The following ZNF451 variants were observed in gnomAD, a reference collection of about 807,000 sequenced individuals.
ZNF451 encodes zinc finger protein 451, also known as E3 SUMO-protein ligase ZNF451.
Under a neutral mutation model 107.1 loss-of-function variants are expected in ZNF451, and 80 were observed. That is an observed-to-expected ratio of 0.75 (90% confidence interval 0.62 to 0.90). The LOEUF is 0.90. Among genes scored for constraint, ZNF451 ranks in the 40% least tolerant of loss-of-function variants. ZNF451 has a pLI of 0.00. For synonymous variants in ZNF451, 362 were observed against 406.5 expected, an observed-to-expected ratio of 0.89 and a Z score of 1.32; for missense variants, 1,107 against 1,236.2, an observed-to-expected ratio of 0.90 and a Z score of 1.57.
chr6:57,103,691 T>C (rs1452289910), intron 3 of ZNF451: 1 of 985,384 alleles, frequency 1.0e-6, no homozygotes, highest in Non-Finnish European at 1.2e-6. Flanking sequence ...CTGCGTTTTT[T>C]CATCTGCTTG....
chr6:57,109,236 T>C, intron 3 of ZNF451: 1 of 985,462 alleles, frequency 1.0e-6, no homozygotes, highest in Non-Finnish European at 1.2e-6. Flanking sequence ...ATTATGTTAA[T>C]CGTATTGCTT....
At chr6:57,125,484 A>G (rs1476606073) in intron 4 of ZNF451, among the ~76,000 whole-genome samples, 1 of 152,170 alleles carries the variant, frequency 6.6e-6, no homozygotes, top group Non-Finnish European at 1.5e-5. Flanking sequence ...AAAACTCCAT[A>G]CTAAAGTACA....
intron 7 of ZNF451, 117 bp from the exon 8 acceptor site, chr6:57,141,185 T>TA (rs1196498071): frequency 5.7e-5 from 46 of 806,016 alleles, no homozygotes; most frequent in Non-Finnish European, 7.5e-5. Context: ...TCTTTCATGT[T>TA]AAAAATTGAT....
At chr6:57,119,855 CTT>C (rs370426779) in intron 3 of ZNF451, among the ~76,000 whole-genome samples, 3 of 143,124 alleles carry the variant, frequency 2.1e-5, no homozygotes, top group Admixed American at 7.0e-5. Flanking sequence ...ATTGTCATTA[CTT>C]TTTTTTTTTT....
At chr6:57,100,928 C>G in intron 3 of ZNF451, 1 of 1,550,946 alleles carries the variant, frequency 6.4e-7, no homozygotes, top group Non-Finnish European at 8.7e-7. Flanking sequence ...CGTATAGATT[C>G]TTCTTCAGCT....
chr6:57,138,704 CATATATATATAT>C lies in ZNF451; in HGVS notation c.703-2571_703-2560del, dbSNP rs60629541. Among the ~76,000 whole-genome samples the C allele has an allele frequency of 3.3e-3, 143 of 43,746 alleles. 1 individual carries two copies. The highest frequency in any genetic ancestry group is 0.024 in the South Asian group (17 of 710). 28.7% of individuals were successfully genotyped at this position (43,746 alleles called of 152,430 possible). A position where few individuals can be genotyped will look rare whatever the true frequency, so the allele number is the denominator to read the frequency against. ...TTGTAGAATGTATTTGCAGCTATGC[CATATATATATAT>C]ATATATATATATATATATATATATA... On this transcript the variant is annotated intron_variant, in intron 7 of 14. Transcript: ENST00000370706.
chr6:57,133,966 G>A (rs188566881), intron 6 of ZNF451, among the ~76,000 whole-genome samples: 79 of 152,262 alleles, frequency 5.2e-4, no homozygotes, highest in African/African-American at 1.8e-3. Context: ...GTGAGCCACC[G>A]CGCTCGGCCA....
chr6:57,141,657 G>A (rs945810005), intron 8 of ZNF451, among the ~76,000 whole-genome samples: 1 of 152,126 alleles, frequency 6.6e-6, no homozygotes, highest in Non-Finnish European at 1.5e-5. Context: ...TAACTTTGAA[G>A]ACTGAAGAAA....
At chr6:57,101,787 G>A in intron 3 of ZNF451, 8 of 1,550,536 alleles carry the variant, frequency 5.2e-6, no homozygotes, top group Non-Finnish European at 6.1e-6. Flanking sequence ...ACTATAGACG[G>A]CAGGCCTGGC....
chr6:57,110,761 C>T (rs1830067582), intron 3 of ZNF451, among the ~76,000 whole-genome samples: 1 of 152,106 alleles, frequency 6.6e-6, no homozygotes, highest in Non-Finnish European at 1.5e-5. Flanking sequence ...GTTCCTATCA[C>T]CAGAACCCTC....
intron 3 of ZNF451, among the ~76,000 whole-genome samples, chr6:57,120,022 T>C (rs1372540502): frequency 6.6e-6 from 1 of 152,190 alleles, no homozygotes; most frequent in Non-Finnish European, 1.5e-5. Context: ...TATCTGTCAT[T>C]GTAGTATTAC....
At chr6:57,104,959 ATTAGT>A (rs1481545362) in intron 3 of ZNF451, 1 of 984,802 alleles carries the variant, frequency 1.0e-6, no homozygotes, top group East Asian at 1.1e-4. Context: ...TTAGTAATAG[ATTAGT>A]TTCTTGATTG....
chr6:57,098,069 A>C (rs1200329437), intron 2 of ZNF451, among the ~76,000 whole-genome samples: 1 of 150,654 alleles, frequency 6.6e-6, no homozygotes, highest in African/African-American at 2.4e-5. Flanking sequence ...TCCCAGGTTC[A>C]AGCAATTCTC....
chr6:57,147,838 A>G lies in ZNF451; in HGVS notation c.1753A>G (p.Lys585Glu). The G allele has an allele frequency of 6.2e-7, 1 of 1,614,138 alleles. No homozygotes were observed. Among genetic ancestry groups the G allele is most frequent in the African/African-American group, 1.3e-5 (1 of 75,064 alleles). ...STTLDNLTAN[K>E]PSSAITVIDH... Reference sequence around the variant, plus strand: ...AACATTGGATAATTTGACTGCTAACAAGCCTTCATCAGCTATTACTGTTAT... The same window carrying G: ...AACATTGGATAATTTGACTGCTAACGAGCCTTCATCAGCTATTACTGTTAT... Residue 585 changes from lysine (K) to glutamate (E), a missense_variant, in exon 10 of 15, where the codon AAG (lysine) becomes GAG (glutamate). Transcript: ENST00000370706.
chr6:57,119,100 A>G (rs1830509435), intron 3 of ZNF451, among the ~76,000 whole-genome samples: 1 of 152,176 alleles, frequency 6.6e-6, no homozygotes, highest in South Asian at 2.1e-4. Context: ...CTACCTCTAG[A>G]AAGAAGTCAT....
intron 13 of ZNF451, chr6:57,160,661 C>A (rs1188617950): frequency 6.5e-6 from 1 of 152,812 alleles, no homozygotes; most frequent in Non-Finnish European, 1.5e-5. Flanking sequence ...ACCCCAGGAC[C>A]TCTTGGGATC....
chr6:57,092,467 A>G (rs971312170), intron 2 of ZNF451, among the ~76,000 whole-genome samples: 13 of 152,346 alleles, frequency 8.5e-5, no homozygotes, highest in Middle Eastern at 3.4e-3. Context: ...ACAGTTCCAC[A>G]TGGAGAAGTG....
At chr6:57,154,464 G>T in intron 13 of ZNF451, 1 of 233,888 alleles carries the variant, frequency 4.3e-6, no homozygotes, top group South Asian at 1.1e-4. Flanking sequence ...TCATTTAAGA[G>T]GTTGACAGTG....
chr6:57,165,830 T>C (rs1470522931), intron 14 of ZNF451: 1 of 152,194 alleles, frequency 6.6e-6, no homozygotes, highest in African/African-American at 2.4e-5. Context: ...TAATGGTAAA[T>C]ATTTTTGTAT....
Sources: gnomAD v4.1 joint callset for allele counts (sites outside exome capture counted in the v4.1 genomes callset) on GRCh38, gnomAD v4.1.1 for gene constraint, MANE v1.5 for transcripts, NCBI Gene and HGNC (gene_info 2026-07-23, HGNC 2026-07-21) for gene names.